Variants in LRCH3 observed in about 807,000 individuals in gnomAD.
LRCH3 encodes DISP complex protein LRCH3.
Under a neutral mutation model 104.5 loss-of-function variants are expected in LRCH3, and 68 were observed. That is an observed-to-expected ratio of 0.65 (90% CI 0.54 to 0.80). LRCH3 has a LOEUF of 0.80. Ranked by LOEUF, LRCH3 falls within the 30% of genes least tolerant of loss-of-function variation. LRCH3 has a pLI of 0.00. For synonymous variants in LRCH3, 344 were observed against 361.3 expected (o/e 0.95, Z 0.54); for missense variants, 951 against 953.9 (o/e 1.00, Z 0.04).
chr3:197,839,296 T>C (rs763167384), intron 9 of LRCH3, 25 bp from the exon 10 acceptor site: 1 of 1,510,456 alleles, frequency 6.6e-7, no homozygotes, highest in South Asian at 1.2e-5. Flanking sequence ...ATACTAAATT[T>C]ATTTATTTCT....
chr3:197,865,465 G>A lies in LRCH3; in HGVS notation c.1759G>A (p.Glu587Lys). Residue 587 changes from glutamate (E) to lysine (K), a missense_variant, in exon 16 of 21, where the codon GAA (glutamate) becomes AAA (lysine). Transcript: ENST00000425562. ...PNALLSSPAT[E>K]TVHHSPAYSF... is the part of the protein sequence containing the mutation. ...TGCTCTATTAAGTTCACCTGCAACA[G>A]AAACAGGTAATAGACACAAAGGTGC... 6.5e-7 allele frequency: 1 copy of A among 1,547,518 alleles called. No homozygotes were observed.
intron 20 of LRCH3, among the ~76,000 whole-genome samples, chr3:197,876,492 T>C (rs1712903156): frequency 6.6e-6 from 1 of 152,242 alleles, no homozygotes; most frequent in African/African-American, 2.4e-5. Flanking sequence ...ATGAACTTGA[T>C]ACAGTCTTAT....
Position 197,832,181 on chromosome 3 carries a change from C to T in LRCH3, c.982-16C>T. ...TCTAAAATGATTGTTTTTAATGTTT[C>T]TGCTTCTTTTTTAAGCCTACAGATG... On this transcript the variant is annotated splice_polypyrimidine_tract_variant and intron_variant, in intron 7 of 20. Coordinates refer to ENST00000425562, the MANE Select transcript of LRCH3 (RefSeq NM_001365715.1). 6.2e-7 allele frequency: 1 copy of T among 1,607,440 alleles called. No homozygotes were observed. Among genetic ancestry groups the T allele is most frequent in the East Asian group, 2.2e-5 (1 of 44,676 alleles).
chr3:197,825,953 CCTT>C (rs1735159124), intron 4 of LRCH3, among the ~76,000 whole-genome samples: 1 of 152,014 alleles, frequency 6.6e-6, no homozygotes, highest in African/African-American at 2.4e-5. Context: ...TGATTAAAGA[CCTT>C]CTCTTTCTGA....
chr3:197,832,167 T>G, intron 7 of LRCH3, 30 bp from the exon 8 acceptor site: 1 of 1,599,390 alleles, frequency 6.3e-7, no homozygotes, highest in Non-Finnish European at 8.5e-7. Context: ...CTAAAATGAT[T>G]GTTTTTAATG....
At position 197,871,047 on chromosome 3, in the gene LRCH3, CTTTAT is replaced by C. The variant is rs1329068000; in HGVS notation, c.1993-272_1993-268del. Among the ~76,000 whole-genome samples, 14 of 150,472 alleles carry C rather than the reference CTTTAT, an allele frequency of 9.3e-5. 1 individual carries two copies. The East Asian group carries it at 2.1e-3, about 23-fold the overall frequency. On this transcript the variant is annotated intron_variant, in intron 18 of 20. Coordinates refer to ENST00000425562, the MANE Select transcript of LRCH3 (RefSeq NM_001365715.1). ...ACACATATATAGTGAGTGATTGCCT[CTTTAT>C]TTTATGTTGGAATTGAAGGAGAATC...
At position 197,860,921 on chromosome 3, in the gene LRCH3, A is replaced by C. The variant is rs142766701; in HGVS notation, c.1716+2016A>C. On this transcript the variant is annotated intron_variant, in intron 15 of 20. Coordinates refer to ENST00000425562, the MANE Select transcript of LRCH3 (RefSeq NM_001365715.1). The stretch of plus-strand genomic sequence containing the variant: ...CCACTACCCTTCCCAGCCTCCGGTA[A>C]CCCTCAGTTTAGTCTGTCTGCATTG... 4.6e-3 allele frequency among the ~76,000 whole-genome samples: 687 copies of C among 150,138 alleles called. 7 individuals are homozygous for C. The highest frequency in any genetic ancestry group is 0.016 in the African/African-American group (669 of 40,832).
intron 12 of LRCH3, among the ~76,000 whole-genome samples, chr3:197,851,681 G>T (rs952994140): frequency 2.6e-5 from 4 of 152,068 alleles, no homozygotes; most frequent in Admixed American, 2.6e-4. Context: ...GAATTATTAT[G>T]GATATACCTA....
chr3:197,802,759 C>T (rs537354369), intron 1 of LRCH3, among the ~76,000 whole-genome samples: 4 of 152,176 alleles, frequency 2.6e-5, no homozygotes, highest in African/African-American at 9.6e-5. Flanking sequence ...TCTGAGTTAT[C>T]CAGTTTGTTG....
intron 17 of LRCH3, among the ~76,000 whole-genome samples, chr3:197,867,769 G>A (rs1229103116): frequency 6.6e-6 from 1 of 151,904 alleles, no homozygotes; most frequent in African/African-American, 2.4e-5. Context: ...GCAGGAGAAT[G>A]GTGTGAACCC....
At chr3:197,797,897 A>G (rs532801104) in intron 1 of LRCH3, among the ~76,000 whole-genome samples, 32 of 151,466 alleles carry the variant, frequency 2.1e-4, no homozygotes, top group African/African-American at 7.3e-4. Flanking sequence ...AAAAAAAACA[A>G]AACCAGAAAA....
At position 197,827,161 on chromosome 3, in the gene LRCH3, T is replaced by C. The variant is rs552545112; in HGVS notation, c.777+147T>C. ...CACAGTGGAAGCATCAGGTAAACCA[T>C]AGTGGAAGCATCAGGTAAACCATAG... On this transcript the variant is annotated intron_variant, in intron 5 of 20. Transcript: ENST00000425562. The C allele has an allele frequency of 3.2e-4, 446 of 1,386,956 alleles. No homozygotes were observed. In the African/African-American group the frequency reaches 3.5e-3, roughly 11 times the overall value. 85.9% of individuals were successfully genotyped at this position (1,386,956 alleles called of 1,614,324 possible). A position where few individuals can be genotyped will look rare whatever the true frequency, so the allele number is the denominator to read the frequency against.
intron 15 of LRCH3, among the ~76,000 whole-genome samples, chr3:197,862,889 T>G (rs547968327): frequency 1.3e-5 from 2 of 152,366 alleles, no homozygotes; most frequent in African/African-American, 4.8e-5. Context: ...GTTTAAATCT[T>G]AGTTCTCCAC....
rs753668187 is a variant in LRCH3, at chr3:197,814,979, T to C, written c.334T>C (p.Leu112=). 4.4e-6 allele frequency: 7 copies of C among 1,596,744 alleles called. No individual in the cohort carries two copies. The South Asian group carries it at 8.0e-5, about 18-fold the overall frequency. The change falls in exon 2 of 21, where the codon TTG becomes CTG. Residue 112 remains leucine, a synonymous_variant. Coordinates refer to ENST00000425562, the MANE Select transcript of LRCH3 (RefSeq NM_001365715.1). ...CTTTGTTTCTCTGGAAAATCTCAAC[T>C]TGTACCAAAATTGTATTCGTTATAT... ...CHFVSLENLN[L]YQNCIRYIPE... is the part of the protein sequence containing the mutation.
intron 5 of LRCH3, among the ~76,000 whole-genome samples, chr3:197,828,882 T>C (rs1735569161): frequency 6.6e-6 from 1 of 151,924 alleles, no homozygotes; most frequent in Non-Finnish European, 1.5e-5. Context: ...TAATTTTTTG[T>C]ATTTGTAGTA....
intron 6 of LRCH3, among the ~76,000 whole-genome samples, chr3:197,830,440 T>C (rs1735778668): frequency 1.3e-5 from 2 of 152,212 alleles, no homozygotes; most frequent in Non-Finnish European, 2.9e-5. Flanking sequence ...TTATGGACTT[T>C]ACTCAAAAGA....
intron 9 of LRCH3, 100 bp from the exon 10 acceptor site, chr3:197,839,221 G>C (rs942485275): frequency 8.6e-5 from 62 of 723,080 alleles, no homozygotes; most frequent in Non-Finnish European, 1.3e-4. Context: ...ATGTTTTTTA[G>C]TGTAATATAT....
In LRCH3 at chr3:197,827,010, C is replaced by T; in HGVS notation, c.773C>T (p.Ala258Val). 6.2e-7 allele frequency: 1 copy of T among 1,613,800 alleles called. No individual in the cohort carries two copies. The highest frequency in any genetic ancestry group is 8.5e-7 in the Non-Finnish European group (1 of 1,179,906). ...LDNNPLQSPP[A>V]QICIKGKVHI... ...AACAATCCACTACAATCACCTCCTG[C>T]ACAGGTAAACCATAGTGGAAGCATC... is the stretch of plus-strand genomic sequence containing the variant. Residue 258 changes from alanine to valine, a missense_variant, in exon 5 of 21, where the codon GCA (alanine) becomes GTA (valine). Coordinates refer to ENST00000425562, the MANE Select transcript of LRCH3 (RefSeq NM_001365715.1).
intron 4 of LRCH3, among the ~76,000 whole-genome samples, chr3:197,824,285 G>A (rs557022974): frequency 2.0e-5 from 3 of 150,300 alleles, no homozygotes; most frequent in South Asian, 4.2e-4. Context: ...GGCTGGTCTC[G>A]AACCCCTGAC....
Sources: allele counts gnomAD v4.1 joint callset (sites outside exome capture counted in the v4.1 genomes callset), GRCh38; gene constraint gnomAD v4.1.1; transcripts MANE v1.5; gene names NCBI Gene and HGNC (gene_info 2026-07-23, HGNC 2026-07-21).